Variants in SPTAN1 observed in about 807,000 individuals in gnomAD.
SPTAN1 encodes the protein spectrin alpha, non-erythrocytic 1.
In SPTAN1, 61 loss-of-function variants were observed where a neutral mutation model predicts 331.3. The ratio of observed to expected loss-of-function variants is 0.18; its 90% CI spans 0.15 to 0.23. The LOEUF (loss-of-function observed/expected upper bound fraction) is 0.23, where lower values mean the gene tolerates loss of function less well. SPTAN1 is among the 10% of genes least tolerant of loss of function. The pLI is 1.00. For synonymous variants in SPTAN1, 1,153 were observed against 1,173.9 expected (o/e 0.98, Z 0.36); for missense variants, 2,043 against 3,147.9 (o/e 0.65, Z 8.40).
At chr9:128,618,638 C>G (rs1175053098) in intron 43 of SPTAN1, among the ~76,000 whole-genome samples, 1 of 152,062 alleles carries the variant, frequency 6.6e-6, no homozygotes, top group African/African-American at 2.4e-5. Flanking sequence ...CACCCGCCAC[C>G]AAGCCCAGCT....
rs756378105 is a variant in SPTAN1, at chr9:128,588,865, C to T, written c.2928C>T (p.Tyr976=). The change falls in exon 21 of 57, where the codon TAC becomes TAT. Residue 976 remains tyrosine, a synonymous_variant. Coordinates refer to ENST00000372739, the MANE Select transcript of SPTAN1 (RefSeq NM_001130438.3). ...ETGKELVLAL[Y]DYQEKSPREV... ...GGAAGGAGCTGGTCTTGGCTCTCTA[C>T]GACTATCAGGAGAAGAGTCCCCGAG... 39 of 1,614,016 alleles carry T rather than the reference C, an allele frequency of 2.4e-5. No homozygotes were observed. Among genetic ancestry groups the T allele is most frequent in the Middle Eastern group, 3.3e-4 (2 of 6,080 alleles).
At position 128,627,180 on chromosome 9, in the gene SPTAN1, G is replaced by C; in HGVS notation, c.6577-206G>C. On this transcript the variant is annotated intron_variant, in intron 49 of 56. Coordinates refer to ENST00000372739, the MANE Select transcript of SPTAN1 (RefSeq NM_001130438.3). This position sits in a 1 kb window ranked among gnomAD's most constrained non-coding sequence, Gnocchi z 4.9. Reference sequence around the variant, plus strand: ...TGACCAGTCGCTTCCCTCCAGGTCCGCCTCTTCCTTGAAGCCCCTGGGGGG... The same window carrying C: ...TGACCAGTCGCTTCCCTCCAGGTCCCCCTCTTCCTTGAAGCCCCTGGGGGG... The C allele has an allele frequency of 1.6e-6, 1 of 638,190 alleles. No homozygotes were observed. Among genetic ancestry groups the C allele is most frequent in the East Asian group, 3.1e-5 (1 of 32,576 alleles). The allele number at this position is 638,190 out of a possible 1,614,324, so 39.5% of individuals were successfully genotyped here.
rs150960451 is a variant in SPTAN1 at position 128,618,982 on chromosome 9, C to T, written c.5712C>T (p.Gly1904=). 17 of 1,613,736 alleles carry T rather than the reference C, an allele frequency of 1.1e-5. No individual in the cohort carries two copies. The highest frequency in any genetic ancestry group is 1.0e-4 in the Admixed American group (6 of 59,978). ...CCCTGGTGGCCAGCGAAGATTATGG[C>T]GACACTCTTGCCGCCATCCAGGTGA... is the stretch of plus-strand genomic sequence containing the variant. The part of the protein sequence containing the change: ...KMTLVASEDY[G]DTLAAIQGLL... The change falls in exon 44 of 57, where the codon GGC becomes GGT. Residue 1904 remains glycine (G), a synonymous_variant. Coordinates refer to ENST00000372739, the MANE Select transcript of SPTAN1 (RefSeq NM_001130438.3).
intron 28 of SPTAN1, 97 bp from the exon 29 acceptor site, chr9:128,604,229 C>T: frequency 1.7e-6 from 2 of 1,206,014 alleles, no homozygotes; most frequent in Non-Finnish European, 2.4e-6. Flanking sequence ...TATATATGCC[C>T]TAGCATCTCC....
intron 24 of SPTAN1, chr9:128,596,144 CATA>C (rs1854248465): frequency 6.7e-6 from 1 of 149,496 alleles, no homozygotes; most frequent in Non-Finnish European, 1.5e-5. Flanking sequence ...GCACCCGGCC[CATA>C]ATGTTTTCCA....
intron 2 of SPTAN1, among the ~76,000 whole-genome samples, chr9:128,568,144 A>G (rs1331100353): frequency 1.3e-5 from 2 of 152,224 alleles, no homozygotes; most frequent in Non-Finnish European, 2.9e-5. Flanking sequence ...TTCGGTAGCA[A>G]GTGGAACAGT....
rs1858913728 is a variant in SPTAN1, at chr9:128,627,267, T to TC, written c.6577-118dup. ...GGCCTCATGTCTCCCAGCCTCCTCC[T>TC]CTCATCTTTGGGGAGGTTCCTTGTG... On this transcript the variant is annotated intron_variant, in intron 49 of 56. Transcript: ENST00000372739. The surrounding 1 kb of genome is among the most constrained non-coding windows in gnomAD (Gnocchi z 4.9). 2 of 852,220 alleles carry TC rather than the reference T, an allele frequency of 2.3e-6. No homozygotes were observed. Among genetic ancestry groups the TC allele is most frequent in the East Asian group, 2.7e-5 (1 of 37,376 alleles). 52.8% of individuals were successfully genotyped at this position (852,220 alleles called of 1,614,324 possible).
Position 128,577,824 on chromosome 9 carries a change from A to G in SPTAN1, c.1086-286A>G, listed in dbSNP as rs1851480050. Among the ~76,000 whole-genome samples, 1 of 152,246 alleles carries G rather than the reference A, an allele frequency of 6.6e-6. No individual in the cohort carries two copies. Reference sequence around the variant, plus strand: ...AAAACCAGGATTAGAAAGGAAAAGAATCCTTGCTAGCCAAGGGTTGAACCT... The same window carrying G: ...AAAACCAGGATTAGAAAGGAAAAGAGTCCTTGCTAGCCAAGGGTTGAACCT... On this transcript the variant is annotated intron_variant, in intron 8 of 56. Coordinates refer to ENST00000372739, the MANE Select transcript of SPTAN1 (RefSeq NM_001130438.3). This position sits in a 1 kb window ranked among gnomAD's most constrained non-coding sequence, Gnocchi z 4.2.
chr9:128,628,001 C>T, intron 51 of SPTAN1, 59 bp downstream of exon 51: 1 of 1,609,090 alleles, frequency 6.2e-7, no homozygotes, highest in Non-Finnish European at 8.5e-7. Flanking sequence ...TGCGCTTGCC[C>T]CTCGTGGCCT....
rs1554766833 is a variant in SPTAN1, at chr9:128,626,527, A to C, written c.6416A>C (p.Asp2139Ala). The C allele has an allele frequency of 3.1e-6, 5 of 1,614,082 alleles. No individual in the cohort carries two copies. The highest frequency in any genetic ancestry group is 1.7e-5 in the Admixed American group (1 of 60,016). The change falls in exon 49 of 57, where the codon GAC (aspartate) becomes GCC (alanine). Residue 2139 changes from aspartate (D) to alanine (A), a missense_variant. By Grantham distance (126) the Asp-to-Ala change is moderately radical. Coordinates refer to ENST00000372739, the MANE Select transcript of SPTAN1 (RefSeq NM_001130438.3). ...EEIKALREAH[D>A]AFRSSLSSAQ... ...ATCAAAGCTTTGCGCGAGGCCCACG[A>C]CGCCTTCCGCTCCTCCCTCAGCTCT...
rs1439487832 is a variant in SPTAN1, at chr9:128,577,035, G to A, written c.785+79G>A. ...TGAAGCACAGGGCATGTGCTGGTGA[G>A]CTGTCGAGGCTGACTAGGCCTTGGT... On this transcript the variant is annotated intron_variant, in intron 6 of 56. Coordinates refer to ENST00000372739, the MANE Select transcript of SPTAN1 (RefSeq NM_001130438.3). The surrounding 1 kb of genome is among the most constrained non-coding windows in gnomAD (Gnocchi z 4.2). 1 of 1,613,770 alleles carries A rather than the reference G, an allele frequency of 6.2e-7. No homozygotes were observed. Among genetic ancestry groups the A allele is most frequent in the Non-Finnish European group, 8.5e-7 (1 of 1,179,990 alleles).
chr9:128,565,673 C>CTAA (rs2132931974), intron 1 of SPTAN1, among the ~76,000 whole-genome samples: 2 of 152,348 alleles, frequency 1.3e-5, no homozygotes, highest in Non-Finnish European at 2.9e-5. Flanking sequence ...GGTTTCATTC[C>CTAA]TAACTCTTAG....
Position 128,633,084 on chromosome 9 carries a change from T to C in SPTAN1, c.7309-125T>C, listed in dbSNP as rs537053201. The C allele has an allele frequency of 1.3e-5, 21 of 1,592,072 alleles. No individual in the cohort carries two copies. The Middle Eastern group carries it at 8.3e-4, about 63-fold the overall frequency. ...CCCCATTTACAAATCAAACTCAGTA[T>C]GGACAGAAGTCCCGGATCTGCTTGT... On this transcript the variant is annotated intron_variant, in intron 56 of 56. Transcript: ENST00000372739.
At chr9:128,605,203 T>C (rs1197579410) in intron 30 of SPTAN1, 25 bp downstream of exon 30, 29 of 1,614,174 alleles carry the variant, frequency 1.8e-5, no homozygotes, top group Non-Finnish European at 2.4e-5. Flanking sequence ...AGTCATCTTC[T>C]GTCTGGCATT....
At chr9:128,605,906 C>T (rs1374988268) in intron 31 of SPTAN1, among the ~76,000 whole-genome samples, 4 of 151,558 alleles carry the variant, frequency 2.6e-5, no homozygotes, top group South Asian at 2.1e-4. Flanking sequence ...GCAGGAGAAT[C>T]GCTTGAACCT....
chr9:128,632,575 C>T lies in SPTAN1; in HGVS notation c.7017C>T (p.His2339=). 1 of 1,614,130 alleles carries T rather than the reference C, an allele frequency of 6.2e-7. No homozygotes were observed. The highest frequency in any genetic ancestry group is 8.5e-7 in the Non-Finnish European group (1 of 1,180,042). Residue 2339 remains histidine (H), a synonymous_variant, in exon 55 of 57, where the codon CAC becomes CAT. Transcript: ENST00000372739. ...CGCCCTCGGCTTTGTGCTGCAGACACTTTGACAAGGACAAGTCTGGCAGGC... is the reference window on the plus strand; with the variant it reads ...CGCCCTCGGCTTTGTGCTGCAGACATTTTGACAAGGACAAGTCTGGCAGGC... The part of the protein sequence containing the change: ...ALKEFSMMFK[H]FDKDKSGRLN...
At chr9:128,584,103 G>A (rs1379314170) in intron 16 of SPTAN1, 134 bp downstream of exon 16, 10 of 1,431,548 alleles carry the variant, frequency 7.0e-6, no homozygotes, top group Non-Finnish European at 9.6e-6. Flanking sequence ...GCTCTGTGCT[G>A]CATGTGCTTC....
Position 128,633,394 on chromosome 9 carries a change from G to T in SPTAN1, c.*60G>T. 1 of 1,610,186 alleles carries T rather than the reference G, an allele frequency of 6.2e-7. No individual in the cohort carries two copies. On this transcript the variant is annotated 3_prime_UTR_variant, in exon 57 of 57. Coordinates refer to ENST00000372739, the MANE Select transcript of SPTAN1 (RefSeq NM_001130438.3). ...CCCTGCGTCGCCTTGCTGCATGTCC[G>T]CTCCTCTGTGTGCTCTCACTTTCCA...
At chr9:128,602,221 G>GTTT (rs576224099) in intron 27 of SPTAN1, among the ~76,000 whole-genome samples, 6 of 130,826 alleles carry the variant, frequency 4.6e-5, no homozygotes, top group African/African-American at 1.4e-4. Flanking sequence ...GGTTTTTTTT[G>GTTT]TTTTTTTTTT....
Sources: allele counts gnomAD v4.1 joint callset (sites outside exome capture counted in the v4.1 genomes callset), GRCh38; gene constraint gnomAD v4.1.1; non-coding constraint Gnocchi (gnomAD v3.1); transcripts MANE v1.5; gene names NCBI Gene and HGNC (gene_info 2026-07-23, HGNC 2026-07-21).